Variants in GRIK2 observed in about 807,000 individuals in gnomAD.
GRIK2 encodes glutamate ionotropic receptor kainate type subunit 2, also known as glutamate receptor ionotropic, kainate 2.
In GRIK2, 32 loss-of-function variants were observed where a neutral mutation model predicts 100.3. That is an observed-to-expected ratio of 0.32 (90% CI 0.24 to 0.43). GRIK2 has a LOEUF of 0.43. Among genes scored for constraint, GRIK2 ranks in the 20% least tolerant of loss-of-function variants. The pLI is 1.00. For synonymous variants in GRIK2, 417 were observed against 389.4 expected (o/e 1.07, Z -0.83); for missense variants, 843 against 1,114.9 (o/e 0.76, Z 3.47).
rs1033096505 is a variant in GRIK2 at position 101,791,077 on chromosome 6, G to A, written c.952-8571G>A. On this transcript the variant is annotated intron_variant, in intron 7 of 16. Transcript: ENST00000369134. Reference sequence around the variant, plus strand: ...TATCCCTTTTATCATTTTTTATTGCGTCTATTTGATTCTTCTCTCTTTTTT... The same window carrying A: ...TATCCCTTTTATCATTTTTTATTGCATCTATTTGATTCTTCTCTCTTTTTT... Among the ~76,000 whole-genome samples the A allele has an allele frequency of 1.2e-3, 174 of 147,068 alleles. 1 individual carries two copies. Among genetic ancestry groups the A allele is most frequent in the Middle Eastern group, 7.4e-3 (2 of 270 alleles).
At chr6:101,576,471 T>G (rs1469992533) in intron 2 of GRIK2, among the ~76,000 whole-genome samples, 1 of 152,102 alleles carries the variant, frequency 6.6e-6, no homozygotes, top group Non-Finnish European at 1.5e-5. Context: ...TATTCTTTTT[T>G]TTCCTTTTGC....
intron 2 of GRIK2, among the ~76,000 whole-genome samples, chr6:101,464,612 G>A (rs1403051334): frequency 3.0e-5 from 4 of 131,238 alleles, no homozygotes; most frequent in African/African-American, 1.1e-4. Flanking sequence ...CGCCTCTCGG[G>A]TTCACGCCAT....
At chr6:101,563,098 C>T (rs1055287889) in intron 2 of GRIK2, among the ~76,000 whole-genome samples, 1 of 152,122 alleles carries the variant, frequency 6.6e-6, no homozygotes, top group African/African-American at 2.4e-5. Context: ...GATTATTTTG[C>T]CTGCTCCTGA....
At chr6:101,616,465 T>G (rs1454346261) in intron 2 of GRIK2, among the ~76,000 whole-genome samples, 2 of 151,804 alleles carry the variant, frequency 1.3e-5, no homozygotes, top group African/African-American at 4.8e-5. Flanking sequence ...AAGCATTTTG[T>G]CATGAAATAC....
chr6:101,791,503 T>C (rs949826738), intron 7 of GRIK2, among the ~76,000 whole-genome samples: 1 of 152,208 alleles, frequency 6.6e-6, no homozygotes, highest in African/African-American at 2.4e-5. Context: ...TCAGTTTCCA[T>C]GTAGTTGTGC....
chr6:101,400,679 T>C (rs1167374765), intron 2 of GRIK2, among the ~76,000 whole-genome samples: 2 of 152,114 alleles, frequency 1.3e-5, no homozygotes, highest in East Asian at 3.9e-4. Context: ...GTGTGTTTTA[T>C]CCCCCCAATG....
At chr6:101,498,364 G>A (rs1314392736) in intron 2 of GRIK2, among the ~76,000 whole-genome samples, 1 of 152,048 alleles carries the variant, frequency 6.6e-6, no homozygotes, top group Non-Finnish European at 1.5e-5. Flanking sequence ...ATGATTTATA[G>A]TCCTTTGGGT....
At chr6:102,056,436 A>C (rs1192110403) in intron 16 of GRIK2, among the ~76,000 whole-genome samples, 4 of 151,928 alleles carry the variant, frequency 2.6e-5, no homozygotes, top group Non-Finnish European at 1.5e-5. Flanking sequence ...GATATGACAA[A>C]ACCAACAGTT....
chr6:101,564,604 C>G (rs1777165286), intron 2 of GRIK2, among the ~76,000 whole-genome samples: 1 of 152,076 alleles, frequency 6.6e-6, no homozygotes, highest in Admixed American at 6.6e-5. Flanking sequence ...GTTGACCAAA[C>G]TGTCATCTCA....
intron 7 of GRIK2, among the ~76,000 whole-genome samples, chr6:101,718,156 C>T (rs1774200000): frequency 6.6e-6 from 1 of 151,228 alleles, no homozygotes; most frequent in Admixed American, 6.6e-5. Context: ...AATTGAATAC[C>T]TTAGGAAGGA....
intron 14 of GRIK2, among the ~76,000 whole-genome samples, chr6:101,963,805 C>T (rs1176707118): frequency 6.6e-6 from 1 of 152,030 alleles, no homozygotes; most frequent in East Asian, 1.9e-4. Flanking sequence ...CATCATGGAG[C>T]TAGCAGTCTC....
At chr6:101,517,519 TTAA>T (rs1255573364) in intron 2 of GRIK2, among the ~76,000 whole-genome samples, 5 of 134,982 alleles carry the variant, frequency 3.7e-5, no homozygotes, top group Non-Finnish European at 6.0e-5. Flanking sequence ...TTTGAGATAA[TTAA>T]TTTTTTTTTA....
intron 4 of GRIK2, among the ~76,000 whole-genome samples, chr6:101,672,065 G>A (rs1770480093): frequency 6.6e-6 from 1 of 152,022 alleles, no homozygotes. Flanking sequence ...TCCTACAAGG[G>A]TATTAGATAT....
chr6:101,689,283 C>A (rs1198058414), intron 7 of GRIK2, among the ~76,000 whole-genome samples: 2 of 151,992 alleles, frequency 1.3e-5, no homozygotes, highest in Non-Finnish European at 2.9e-5. Flanking sequence ...CCCCTATAGT[C>A]CCATAAAGAA....
chr6:101,705,764 G>A (rs920491923), intron 7 of GRIK2, among the ~76,000 whole-genome samples: 19 of 151,856 alleles, frequency 1.3e-4, no homozygotes, highest in African/African-American at 4.3e-4. Context: ...AGTGTGATAA[G>A]AATATTTTGC....
rs73761389 is a variant in GRIK2 at position 101,666,582 on chromosome 6, T to G, written c.542-10041T>G. 7.2e-3 allele frequency among the ~76,000 whole-genome samples: 1,098 copies of G among 152,350 alleles called. 12 individuals are homozygous for G. Among genetic ancestry groups the G allele is most frequent in the African/African-American group, 0.025 (1,024 of 41,592 alleles). On this transcript the variant is annotated intron_variant, in intron 4 of 16. Coordinates refer to ENST00000369134, the MANE Select transcript of GRIK2 (RefSeq NM_021956.5). Reference sequence around the variant, plus strand: ...TTGTTAGATAGGACATGGCAAAGGCTTAGAGAGTGTCTCCCAGGAGCTAAT... The same window carrying G: ...TTGTTAGATAGGACATGGCAAAGGCGTAGAGAGTGTCTCCCAGGAGCTAAT...
chr6:101,859,631 A>G (rs777734550), intron 11 of GRIK2, 138 bp downstream of exon 11: 7 of 624,450 alleles, frequency 1.1e-5, no homozygotes, highest in Non-Finnish European at 2.0e-5. Flanking sequence ...TATTTAAGCT[A>G]GATAGTATTT....
intron 2 of GRIK2, among the ~76,000 whole-genome samples, chr6:101,407,882 G>A (rs1775674192): frequency 6.6e-6 from 1 of 152,126 alleles, no homozygotes; most frequent in African/African-American, 2.4e-5. Context: ...GCGGGCTTAA[G>A]TTTTTCCAGA....
intron 14 of GRIK2, among the ~76,000 whole-genome samples, chr6:102,030,167 T>C (rs1769910429): frequency 6.6e-6 from 1 of 150,996 alleles, no homozygotes; most frequent in African/African-American, 2.4e-5. Flanking sequence ...AAGCAGGGAG[T>C]AGAATAGTAG....
Sources: allele counts gnomAD v4.1 joint callset (sites outside exome capture counted in the v4.1 genomes callset), GRCh38; gene constraint gnomAD v4.1.1; transcripts MANE v1.5; gene names NCBI Gene and HGNC (gene_info 2026-07-23, HGNC 2026-07-21).